Variants in ELF2 observed in about 807,000 individuals in gnomAD.
ELF2 encodes the protein E74 like ETS transcription factor 2, also known as ETS-related transcription factor Elf-2.
In ELF2, 11 loss-of-function variants were observed where a neutral mutation model predicts 54.8. The observed-to-expected ratio is 0.20, with a 90% CI of 0.13 to 0.33. The LOEUF (loss-of-function observed/expected upper bound fraction) is 0.33, where lower values mean the gene tolerates loss of function less well. Ranked by LOEUF, ELF2 falls within the 10% of genes least tolerant of loss-of-function variation. ELF2 has a pLI of 1.00. For missense variants in ELF2, 513 were observed against 703.0 expected, an observed-to-expected ratio of 0.73 and a Z score of 3.06; for synonymous variants, 203 against 245.1, an observed-to-expected ratio of 0.83 and a Z score of 1.61.
intron 1 of ELF2, among the ~76,000 whole-genome samples, chr4:139,171,656 G>T (rs186934790): frequency 7.7e-4 from 117 of 152,138 alleles, no homozygotes; most frequent in Non-Finnish European, 9.3e-4. Context: ...GGGCATGGTG[G>T]CTCACGCCTG....
intron 1 of ELF2, among the ~76,000 whole-genome samples, chr4:139,148,022 G>T (rs1007203453): frequency 1.3e-5 from 2 of 150,412 alleles, no homozygotes; most frequent in African/African-American, 4.9e-5. Flanking sequence ...TTGACTTCAG[G>T]TGATCCGCCT....
intron 1 of ELF2, among the ~76,000 whole-genome samples, chr4:139,171,968 C>G (rs1357912606): frequency 6.6e-6 from 1 of 152,088 alleles, no homozygotes; most frequent in Non-Finnish European, 1.5e-5. Context: ...AAAAGAAATA[C>G]AATAATAAGT....
chr4:139,093,752 T>G (rs868051875), intron 4 of ELF2, among the ~76,000 whole-genome samples: 4 of 152,298 alleles, frequency 2.6e-5, no homozygotes, highest in Non-Finnish European at 2.9e-5. Flanking sequence ...TGGTATACAT[T>G]ATATACTAAA....
chr4:139,116,513 T>C, intron 4 of ELF2: 2 of 245,072 alleles, frequency 8.2e-6, no homozygotes, highest in South Asian at 3.0e-4. Context: ...GGAGGAAAAA[T>C]ATTATCGTAT....
intron 3 of ELF2, among the ~76,000 whole-genome samples, chr4:139,128,840 C>T (rs559219038): frequency 1.3e-5 from 2 of 152,012 alleles, no homozygotes; most frequent in African/African-American, 2.4e-5. Flanking sequence ...TTAATAACGA[C>T]CAAATTCTAT....
chr4:139,126,308 G>C (rs1217131082), intron 3 of ELF2, among the ~76,000 whole-genome samples: 1 of 151,148 alleles, frequency 6.6e-6, no homozygotes, highest in Non-Finnish European at 1.5e-5. Context: ...AACCAGTCCA[G>C]GAGGTCCACT....
At chr4:139,066,624 C>A (rs1327828451) in intron 7 of ELF2, 4 of 151,694 alleles carry the variant, frequency 2.6e-5, no homozygotes, top group Non-Finnish European at 4.4e-5. Flanking sequence ...CAGTGGCTCA[C>A]GCTTATAATC....
At position 139,060,326 on chromosome 4, in the gene ELF2, T is replaced by G; in HGVS notation, c.1155A>C (p.Pro385=). The G allele has an allele frequency of 6.3e-7, 1 of 1,591,930 alleles. No homozygotes were observed. ...AACTAATGGTTTGCTTCACTTACCT[T>G]GGAGCTGCTGTTGCTGACACAGATG... ...TTASVSATAA[P]RTVRVAMQVP... Residue 385 remains proline (P), a splice_region_variant and synonymous_variant, in exon 9 of 10, where the codon CCA becomes CCC. Transcript: ENST00000686138.
chr4:139,104,193 T>G (rs895287651), intron 4 of ELF2, among the ~76,000 whole-genome samples: 2 of 152,122 alleles, frequency 1.3e-5, no homozygotes, highest in African/African-American at 4.8e-5. Context: ...ATTTGTCTCT[T>G]GATATACTCA....
At chr4:139,177,259 A>ACCCCCCGCCTCGGCTCCT (rs1743060468), upstream of ELF2, 1 of 11,126 alleles carries the variant, frequency 9.0e-5, no homozygotes, top group Non-Finnish European at 2.1e-4. Context: ...CCCTCCCTCC[A>ACCCCCCGCCTCGGCTCCT]CCCCCCGCCT....
intron 1 of ELF2, among the ~76,000 whole-genome samples, chr4:139,163,088 C>T (rs901824710): frequency 2.0e-5 from 3 of 151,798 alleles, no homozygotes; most frequent in African/African-American, 4.8e-5. Context: ...AGTGAGAGAC[C>T]CTAACTCAAA....
At chr4:139,068,716 T>G (rs1336300298) in intron 6 of ELF2, among the ~76,000 whole-genome samples, 1 of 152,194 alleles carries the variant, frequency 6.6e-6, no homozygotes, top group Non-Finnish European at 1.5e-5. Flanking sequence ...GGCTATATAC[T>G]TTTCTACACG....
intron 4 of ELF2, among the ~76,000 whole-genome samples, chr4:139,123,305 A>G (rs978673040): frequency 6.6e-6 from 1 of 152,152 alleles, no homozygotes; most frequent in Admixed American, 6.6e-5. Context: ...GTTGAAGTAA[A>G]TTTTAAAATT....
At chr4:139,080,647 G>C (rs772775417) in intron 4 of ELF2, among the ~76,000 whole-genome samples, 7 of 151,960 alleles carry the variant, frequency 4.6e-5, no homozygotes, top group Non-Finnish European at 8.8e-5. Flanking sequence ...GTCAAGAAAG[G>C]TATACTTGAG....
chr4:139,066,084 T>C (rs1170045216), intron 7 of ELF2: 1 of 151,074 alleles, frequency 6.6e-6, no homozygotes, highest in South Asian at 2.1e-4. Flanking sequence ...GACAATTTTT[T>C]TTAAACTAGA....
At chr4:139,108,238 T>A (rs745460406) in intron 4 of ELF2, among the ~76,000 whole-genome samples, 1 of 152,194 alleles carries the variant, frequency 6.6e-6, no homozygotes, top group African/African-American at 2.4e-5. Context: ...TACCTTATTA[T>A]TAGTTTTCAG....
At chr4:139,115,295 C>G (rs1404550534) in intron 4 of ELF2, 2 of 1,590,672 alleles carry the variant, frequency 1.3e-6, no homozygotes, top group African/African-American at 2.7e-5. Context: ...AAAGTAGACG[C>G]GTGGTCCTGG....
At chr4:139,083,080 C>G (rs941362938) in intron 4 of ELF2, among the ~76,000 whole-genome samples, 2 of 152,036 alleles carry the variant, frequency 1.3e-5, no homozygotes, top group Admixed American at 6.5e-5. Context: ...CAGAAATCAA[C>G]GTTCTAATTT....
At chr4:139,097,405 C>G (rs1247615853) in intron 4 of ELF2, among the ~76,000 whole-genome samples, 2 of 152,260 alleles carry the variant, frequency 1.3e-5, no homozygotes, top group East Asian at 3.9e-4. Flanking sequence ...CACTTGAGGT[C>G]AGGAGTTTAA....
Sources: allele counts gnomAD v4.1 joint callset (sites outside exome capture counted in the v4.1 genomes callset), GRCh38; gene constraint gnomAD v4.1.1; transcripts MANE v1.5; gene names NCBI Gene and HGNC (gene_info 2026-07-23, HGNC 2026-07-21).